Variants in RASSF8 observed in about 807,000 individuals in gnomAD.
The protein encoded by RASSF8 is Ras association domain family member 8.
In RASSF8, 22 loss-of-function variants were observed where a neutral mutation model predicts 48.5. That is an observed-to-expected ratio of 0.45 (90% CI 0.32 to 0.65). The LOEUF is 0.65. Ranked by LOEUF, RASSF8 falls within the 30% of genes least tolerant of loss-of-function variation. The probability of loss-of-function intolerance (pLI) is 0.03; values close to 1 mark genes in which losing one functional copy is unlikely to be tolerated. For missense variants in RASSF8, 418 were observed against 489.2 expected (o/e 0.85, Z 1.37); for synonymous variants, 127 against 171.5 (o/e 0.74, Z 2.03).
chr12:26,072,333 CTATT>C lies in RASSF8; in HGVS notation c.*3520_*3523del, dbSNP rs2137346477. 1.0e-6 allele frequency: 1 copy of C among 985,374 alleles called. No individual in the cohort carries two copies. The highest frequency in any genetic ancestry group is 1.2e-6 in the Non-Finnish European group (1 of 829,900). 61.0% of individuals were successfully genotyped at this position (985,374 alleles called of 1,614,324 possible). On this transcript the variant is annotated 3_prime_UTR_variant, in exon 6 of 6. Coordinates refer to ENST00000689635, the MANE Select transcript of RASSF8 (RefSeq NM_001394098.1). Reference sequence around the variant, plus strand: ...CTGTATCAAAAAGACAAAACAATCACTATTTATTCAGTATTGCTGCTTTACATCT... The same window carrying C: ...CTGTATCAAAAAGACAAAACAATCACTATTCAGTATTGCTGCTTTACATCT...
At chr12:26,024,364 A>G (rs11561207) in intron 2 of RASSF8, among the ~76,000 whole-genome samples, 10,838 of 152,124 alleles carry the variant, frequency 0.071, 759 homozygotes, top group East Asian at 0.27. Context: ...TCTCCGTCCA[A>G]ATGGCTTCAC....
At position 25,989,514 on chromosome 12, in the gene RASSF8, T is replaced by C. The variant is rs373463890; in HGVS notation, c.-202-5523T>C. On this transcript the variant is annotated intron_variant, in intron 1 of 5. Coordinates refer to ENST00000689635, the MANE Select transcript of RASSF8 (RefSeq NM_001394098.1). ...CTCTCTGTTGTGTGAAATATTGAAGTGTTATCCAGGAGAAGGAGACTTTAT... is the reference window on the plus strand; with the variant it reads ...CTCTCTGTTGTGTGAAATATTGAAGCGTTATCCAGGAGAAGGAGACTTTAT... Among the ~76,000 whole-genome samples, 179 of 152,330 alleles carry C rather than the reference T, an allele frequency of 1.2e-3. 1 individual carries two copies. Among genetic ancestry groups the C allele is most frequent in the African/African-American group, 4.2e-3 (175 of 41,570 alleles).
downstream of RASSF8, among the ~76,000 whole-genome samples, chr12:26,074,643 G>A (rs1490278189): frequency 2.0e-5 from 3 of 151,760 alleles, no homozygotes; most frequent in Non-Finnish European, 2.9e-5. Context: ...GCACCTGGCC[G>A]GTTTACAGTC....
chr12:25,983,935 C>T (rs1006606599), intron 1 of RASSF8, among the ~76,000 whole-genome samples: 9 of 152,164 alleles, frequency 5.9e-5, no homozygotes, highest in African/African-American at 1.9e-4. Flanking sequence ...GAATGAACTA[C>T]CAGTTCGTGC....
intron 4 of RASSF8, 127 bp downstream of exon 4, chr12:26,065,514 T>C: frequency 8.0e-7 from 1 of 1,244,866 alleles, no homozygotes; most frequent in Non-Finnish European, 1.1e-6. Context: ...GTTTAAAACT[T>C]TTGTCGAACT....
At chr12:26,072,940 C>A, downstream of RASSF8, 1 of 584,586 alleles carries the variant, frequency 1.7e-6, no homozygotes, top group Non-Finnish European at 2.2e-6. Flanking sequence ...TAAAAGATAC[C>A]AAAGAGAATA....
chr12:25,966,965 GA>G (rs1476547893), intron 1 of RASSF8, among the ~76,000 whole-genome samples: 1 of 152,188 alleles, frequency 6.6e-6, no homozygotes, highest in Non-Finnish European at 1.5e-5. Flanking sequence ...GTTATGGATG[GA>G]AGTTAATTTT....
In RASSF8 at chr12:26,069,241, CT is replaced by C. The variant is rs1943949859; in HGVS notation, c.*425del. 1 of 987,556 alleles carries C rather than the reference CT, an allele frequency of 1.0e-6. No homozygotes were observed. The highest frequency in any genetic ancestry group is 1.2e-6 in the Non-Finnish European group (1 of 830,214). The allele number at this position is 987,556 out of a possible 1,614,324, so 61.2% of individuals were successfully genotyped here. On this transcript the variant is annotated 3_prime_UTR_variant, in exon 6 of 6. Transcript: ENST00000689635. ...TTTTATTGACTTATCCTGTGACTGACTTACGTTACATATTGTGTGATTATGA... is the reference window on the plus strand; with the variant it reads ...TTTTATTGACTTATCCTGTGACTGACTACGTTACATATTGTGTGATTATGA...
At chr12:26,005,157 C>T (rs961141832) in intron 2 of RASSF8, among the ~76,000 whole-genome samples, 6 of 137,524 alleles carry the variant, frequency 4.4e-5, no homozygotes, top group South Asian at 2.6e-4. Flanking sequence ...TAAATTTTTA[C>T]GGATGGGGTG....
chr12:25,965,353 T>A (rs1487719767), intron 1 of RASSF8, among the ~76,000 whole-genome samples: 2 of 147,240 alleles, frequency 1.4e-5, no homozygotes, highest in East Asian at 4.0e-4. Context: ...CACATCACTT[T>A]CCCAAATTTC....
At chr12:25,992,077 A>T (rs1387648566) in intron 1 of RASSF8, among the ~76,000 whole-genome samples, 1 of 152,212 alleles carries the variant, frequency 6.6e-6, no homozygotes, top group Admixed American at 6.5e-5. Flanking sequence ...TAGGAGTATT[A>T]TATCTAGGTA....
chr12:25,991,813 G>A (rs376519113), intron 1 of RASSF8, among the ~76,000 whole-genome samples: 5 of 152,168 alleles, frequency 3.3e-5, no homozygotes, highest in East Asian at 3.8e-4. Context: ...ATACACAAGG[G>A]TGTGAAAACC....
chr12:26,066,431 T>G (rs1487170548), intron 4 of RASSF8, among the ~76,000 whole-genome samples: 1 of 152,206 alleles, frequency 6.6e-6, no homozygotes, highest in Non-Finnish European at 1.5e-5. Context: ...TAGGAAGAAC[T>G]GATGTGATCT....
At chr12:26,001,824 A>AT (rs1942265737) in intron 2 of RASSF8, among the ~76,000 whole-genome samples, 1 of 152,206 alleles carries the variant, frequency 6.6e-6, no homozygotes, top group Admixed American at 6.5e-5. Context: ...TAAAGTGTGG[A>AT]TTAAGAGTAT....
rs542391642 is a variant in RASSF8, at chr12:26,071,409, T to A, written c.*2591T>A. ...TAGATTTCAATGTTTTGTGTTTTTT[T>A]TAAAAAAATCATATTGCAACTTGTT... On this transcript the variant is annotated 3_prime_UTR_variant, in exon 6 of 6. Transcript: ENST00000689635. 13 of 942,792 alleles carry A rather than the reference T, an allele frequency of 1.4e-5. No homozygotes were observed. Among genetic ancestry groups the A allele is most frequent in the South Asian group, 4.9e-5 (1 of 20,448 alleles). The allele number at this position is 942,792 out of a possible 1,614,324, so 58.4% of individuals were successfully genotyped here.
chr12:26,059,339 A>G (rs1943688766), intron 3 of RASSF8, among the ~76,000 whole-genome samples: 1 of 152,238 alleles, frequency 6.6e-6, no homozygotes, highest in African/African-American at 2.4e-5. Context: ...AAGGAAAGAA[A>G]TATGTACTTT....
intron 1 of RASSF8, among the ~76,000 whole-genome samples, chr12:25,976,473 T>G (rs1193211302): frequency 6.6e-6 from 1 of 152,204 alleles, no homozygotes; most frequent in Non-Finnish European, 1.5e-5. Context: ...CATGTGACAT[T>G]TGTAACTTCA....
At chr12:26,002,208 G>C (rs1194880494) in intron 2 of RASSF8, among the ~76,000 whole-genome samples, 1 of 147,918 alleles carries the variant, frequency 6.8e-6, no homozygotes, top group African/African-American at 2.5e-5. Flanking sequence ...CAAGGCGGGT[G>C]GATCACCTGA....
rs1187237330 is a variant in RASSF8, at chr12:25,962,178, CT to C, written c.-203+3031del. On this transcript the variant is annotated intron_variant, in intron 1 of 5. Transcript: ENST00000689635. Reference sequence around the variant, plus strand: ...ACTTCAGGATCCTGCATGATTTGATCTCTACATCCACTTGCATCTCTTGCTG... The same window carrying C: ...ACTTCAGGATCCTGCATGATTTGATCCTACATCCACTTGCATCTCTTGCTG... Among the ~76,000 whole-genome samples, 653 of 152,302 alleles carry C rather than the reference CT, an allele frequency of 4.3e-3. 7 individuals carry two copies. Among genetic ancestry groups the C allele is most frequent in the African/African-American group, 0.015 (624 of 41,556 alleles).
Sources: allele counts gnomAD v4.1 joint callset (sites outside exome capture counted in the v4.1 genomes callset), GRCh38; gene constraint gnomAD v4.1.1; transcripts MANE v1.5; gene names NCBI Gene and HGNC (gene_info 2026-07-23, HGNC 2026-07-21).